Variants in C2 observed in about 807,000 individuals in gnomAD.
C2 encodes complement C2, also known as C3/C5 convertase.
C2 carries 64 observed loss-of-function variants against 85.2 expected under a neutral mutation model. The ratio of observed to expected loss-of-function variants is 0.75; its 90% CI spans 0.61 to 0.92. The LOEUF (loss-of-function observed/expected upper bound fraction) is 0.92. C2 is among the 40% of genes least tolerant of loss of function. The pLI, the probability that C2 is intolerant of heterozygous loss-of-function variation, is 0.00. For missense variants in C2, 820 were observed against 971.6 expected (o/e 0.84, Z 2.07); for synonymous variants, 311 against 370.8 (o/e 0.84, Z 1.85).
Position 31,943,827 on chromosome 6 carries a change from TGGG to T in C2, c.1733+19_1733+21del, listed in dbSNP as rs758355405. On this transcript the variant is annotated intron_variant, in intron 13 of 17. Transcript: ENST00000299367. This position sits in a 1 kb window ranked among gnomAD's most constrained non-coding sequence, Gnocchi z 6.4. ...CATGCCAGGTGCCTGGAGTCTGGGA[TGGG>T]AGGGTGCCCTGCAGGGAAGAGTGCT... 3.5e-5 allele frequency: 57 copies of T among 1,612,766 alleles called. No individual in the cohort carries two copies. Among genetic ancestry groups the T allele is most frequent in the Middle Eastern group, 3.3e-4 (2 of 6,084 alleles).
chr6:31,935,431 G>A lies in C2; in HGVS notation c.850-492G>A, dbSNP rs549617509. 6.4e-6 allele frequency: 1 copy of A among 155,602 alleles called. No individual in the cohort carries two copies. The highest frequency in any genetic ancestry group is 1.4e-5 in the Non-Finnish European group (1 of 70,194). 9.6% of individuals were successfully genotyped at this position (155,602 alleles called of 1,614,324 possible). On this transcript the variant is annotated intron_variant, in intron 6 of 17. Transcript: ENST00000299367. This position sits in a 1 kb window ranked among gnomAD's most constrained non-coding sequence, Gnocchi z 4.3. The stretch of plus-strand genomic sequence containing the variant: ...TCAAAGAGAAAGATGTTCAACAAAG[G>A]TTTCTTCCTTAGCTGCTGCTGTTCC...
At chr6:31,901,328 G>A in intron 1 of C2, 7 of 1,590,724 alleles carry the variant, frequency 4.4e-6, no homozygotes, top group South Asian at 1.1e-5. Context: ...GGGCAACCCT[G>A]GTTGGGAAGG....
At chr6:31,898,295 C>T (rs142934017), upstream of C2, among the ~76,000 whole-genome samples, 1 of 152,300 alleles carries the variant, frequency 6.6e-6, no homozygotes, top group Non-Finnish European at 1.5e-5. Flanking sequence ...GCGGCCCGAA[C>T]GTCATTACTG....
intron 2 of C2, among the ~76,000 whole-genome samples, chr6:31,928,418 A>G (rs1388585040): frequency 6.6e-6 from 1 of 152,164 alleles, no homozygotes; most frequent in Non-Finnish European, 1.5e-5. Flanking sequence ...GTGACCATTC[A>G]GAACAGATGC....
intron 1 of C2, among the ~76,000 whole-genome samples, chr6:31,902,173 C>T (rs527578653): frequency 6.8e-6 from 1 of 146,256 alleles, no homozygotes; most frequent in South Asian, 2.2e-4. Context: ...GGCCGGACGG[C>T]CTTGCCTCCT....
At chr6:31,900,963 C>A, upstream of C2, 1 of 1,614,234 alleles carries the variant, frequency 6.2e-7, no homozygotes, top group Non-Finnish European at 8.5e-7. The surrounding 1 kb of genome is among the most constrained non-coding windows in gnomAD (Gnocchi z 9.7). Context: ...TTCTCCACCA[C>A]GTGCTCCATC....
At chr6:31,915,272 G>A (rs978514728), upstream of C2, among the ~76,000 whole-genome samples, 1 of 152,154 alleles carries the variant, frequency 6.6e-6, no homozygotes, top group African/African-American at 2.4e-5. Context: ...CTGGTCTAGT[G>A]TCATTGTGGC....
upstream of C2, among the ~76,000 whole-genome samples, chr6:31,917,837 C>T (rs1238672737): frequency 1.3e-5 from 2 of 151,402 alleles, no homozygotes; most frequent in African/African-American, 4.9e-5. Context: ...ACCCGGGAGG[C>T]GGAGGTTGCA....
In C2 at chr6:31,933,858, T is replaced by TC. The variant is rs1386913744; in HGVS notation, c.617-5dup. On this transcript the variant is annotated splice_polypyrimidine_tract_variant and intron_variant, in intron 4 of 17. Coordinates refer to ENST00000299367, the MANE Select transcript of C2 (RefSeq NM_000063.6). ...GCCCCGGCTGACTCCTGTGTGGCTC[T>TC]CCCCACAGAACCCTACTCTTATGAC... The TC allele has an allele frequency of 6.2e-7, 1 of 1,612,952 alleles. No homozygotes were observed. Among genetic ancestry groups the TC allele is most frequent in the Non-Finnish European group, 8.5e-7 (1 of 1,179,050 alleles).
At chr6:31,915,614 G>A (rs1165346356), upstream of C2, among the ~76,000 whole-genome samples, 1 of 152,218 alleles carries the variant, frequency 6.6e-6, no homozygotes, top group East Asian at 1.9e-4. Context: ...TGTTGGGTCA[G>A]TAGGAGTGTT....
At chr6:31,911,948 T>TC (rs1768136914) in intron 1 of C2, among the ~76,000 whole-genome samples, 1 of 150,584 alleles carries the variant, frequency 6.6e-6, no homozygotes, top group Non-Finnish European at 1.5e-5. Flanking sequence ...TTTTTTTTTT[T>TC]TCCAATTTGA....
At position 31,944,323 on chromosome 6, in the gene C2, G is replaced by A. The variant is rs1356253797; in HGVS notation, c.1902+97G>A. The A allele has an allele frequency of 1.9e-5, 17 of 875,366 alleles. No homozygotes were observed. The highest frequency in any genetic ancestry group is 5.4e-5 in the South Asian group (4 of 73,442). 54.2% of individuals were successfully genotyped at this position (875,366 alleles called of 1,614,324 possible). ...GGTCTGGCTGCTTTCTCTCTCTGAC[G>A]CGGGTCACCCCTCCTCCCAAGCCTC... On this transcript the variant is annotated intron_variant, in intron 15 of 17. Coordinates refer to ENST00000299367, the MANE Select transcript of C2 (RefSeq NM_000063.6). The surrounding 1 kb of genome is among the most constrained non-coding windows in gnomAD (Gnocchi z 5.1).
rs779957445 is a variant in C2 at position 31,937,480 on chromosome 6, G to A, written c.1129+21G>A. The stretch of plus-strand genomic sequence containing the variant: ...AGATGGTGGGTATCATGGTCTCTGA[G>A]TGTGTCTGGAATAGTGGAAGGGGCA... On this transcript the variant is annotated intron_variant, in intron 8 of 17. Coordinates refer to ENST00000299367, the MANE Select transcript of C2 (RefSeq NM_000063.6). 10 of 1,612,664 alleles carry A rather than the reference G, an allele frequency of 6.2e-6. No individual in the cohort carries two copies. The South Asian group carries it at 1.1e-4, about 18-fold the overall frequency.
upstream of C2, among the ~76,000 whole-genome samples, chr6:31,899,019 GGCT>G (rs1181820498): frequency 6.6e-6 from 1 of 151,912 alleles, no homozygotes; most frequent in African/African-American, 2.4e-5. Context: ...CACAGGGAGA[GGCT>G]GTCTAGGGCA....
chr6:31,897,966 T>C (rs1269245480), upstream of C2: 2 of 976,014 alleles, frequency 2.0e-6, no homozygotes, highest in Non-Finnish European at 2.5e-6. Context: ...CTTCTGAACT[T>C]CTCGGCTCTC....
Position 31,939,211 on chromosome 6 carries a change from C to A in C2, c.1130-20C>A. 3 of 1,557,534 alleles carry A rather than the reference C, an allele frequency of 1.9e-6. No homozygotes were observed. The highest frequency in any genetic ancestry group is 1.7e-5 in the Admixed American group (1 of 59,950). On this transcript the variant is annotated intron_variant, in intron 8 of 17. Transcript: ENST00000299367. ...AATCCTGATATTACCTAGAAGAATTCTTTATTCTCTTTGTTCTAGGAAAGT... is the reference window on the plus strand; with the variant it reads ...AATCCTGATATTACCTAGAAGAATTATTTATTCTCTTTGTTCTAGGAAAGT...
At position 31,944,043 on chromosome 6, in the gene C2, G is replaced by A; in HGVS notation, c.1810+50G>A. 1.2e-6 allele frequency: 2 copies of A among 1,600,934 alleles called. No individual in the cohort carries two copies. The highest frequency in any genetic ancestry group is 1.7e-6 in the Non-Finnish European group (2 of 1,169,002). On this transcript the variant is annotated intron_variant, in intron 14 of 17. Transcript: ENST00000299367. The surrounding 1 kb of genome is among the most constrained non-coding windows in gnomAD (Gnocchi z 5.1). Reference sequence around the variant, plus strand: ...TGAGAGCTGGGGCCGGGGTTTGGGGGTGATAACAAGGACTAGGCTGCAGTC... The same window carrying A: ...TGAGAGCTGGGGCCGGGGTTTGGGGATGATAACAAGGACTAGGCTGCAGTC...
chr6:31,931,281 T>A (rs1006242206), intron 3 of C2, among the ~76,000 whole-genome samples: 4 of 147,160 alleles, frequency 2.7e-5, no homozygotes, highest in African/African-American at 5.0e-5. Flanking sequence ...TTTTTTTTTT[T>A]AATTGATCAT....
intron 8 of C2, among the ~76,000 whole-genome samples, chr6:31,938,475 T>C (rs1000170944): frequency 1.4e-5 from 2 of 141,754 alleles, no homozygotes; most frequent in Admixed American, 1.4e-4. Context: ...TATATATGTA[T>C]ACATACATAT....
Sources: gnomAD v4.1 joint callset for allele counts (sites outside exome capture counted in the v4.1 genomes callset) on GRCh38, gnomAD v4.1.1 for gene constraint, Gnocchi (gnomAD v3.1) non-coding constraint, MANE v1.5 for transcripts, NCBI Gene and HGNC (gene_info 2026-07-23, HGNC 2026-07-21) for gene names.